The following DNAH12 variants were observed in gnomAD, a reference collection of about 807,000 sequenced individuals.
DNAH12 encodes axonemal beta dynein heavy chain 12.
Under a neutral mutation model 371.5 loss-of-function variants are expected in DNAH12, and 285 were observed. That is an observed-to-expected ratio of 0.77 (90% CI 0.70 to 0.85). The LOEUF (loss-of-function observed/expected upper bound fraction) is 0.85. Ranked by LOEUF, DNAH12 falls within the 40% of genes least tolerant of loss-of-function variation. The pLI is 0.00. For synonymous variants in DNAH12, 1,200 were observed against 1,213.0 expected (o/e 0.99, Z 0.22); for missense variants, 3,611 against 3,689.4 (o/e 0.98, Z 0.55).
chr3:57,306,910 C>T (rs546276267), intron 69 of DNAH12, among the ~76,000 whole-genome samples: 1 of 152,260 alleles, frequency 6.6e-6, no homozygotes, highest in East Asian at 1.9e-4. Flanking sequence ...CCTACACAAC[C>T]CATTATTCTG....
In DNAH12 at chr3:57,347,014, A is replaced by G. The variant is rs2062558835; in HGVS notation, c.9674+5071T>C. 1.3e-5 allele frequency among the ~76,000 whole-genome samples: 2 copies of G among 152,214 alleles called. 1 individual carries two copies. Among genetic ancestry groups the G allele is most frequent in the South Asian group, 4.1e-4 (2 of 4,832 alleles). Reference sequence around the variant, plus strand: ...GAAAGCACCAAGCCCAGATGGGTTCACTGAATAATTCTAAACATATAATTA... The same window carrying G: ...GAAAGCACCAAGCCCAGATGGGTTCGCTGAATAATTCTAAACATATAATTA... On this transcript the variant is annotated intron_variant, in intron 60 of 73. Coordinates refer to ENST00000495027, the MANE Select transcript of DNAH12 (RefSeq NM_001366028.2).
At chr3:57,300,832 A>G (rs991053347) in intron 70 of DNAH12, among the ~76,000 whole-genome samples, 2 of 152,024 alleles carry the variant, frequency 1.3e-5, no homozygotes, top group African/African-American at 2.4e-5. Flanking sequence ...TCCCCACCCC[A>G]TACTCCTTCA....
At chr3:57,356,332 G>A (rs1308860427) in intron 59 of DNAH12, among the ~76,000 whole-genome samples, 1 of 151,854 alleles carries the variant, frequency 6.6e-6, no homozygotes, top group Non-Finnish European at 1.5e-5. Context: ...AGTCCCAGCT[G>A]CTCTGAAGGC....
rs550288565 is a variant in DNAH12, at chr3:57,448,891, T to C, written c.3787-2202A>G. ...GAGCTAAACACAGGGTGCTGATTGG[T>C]GTGTTTACAAACCTTGAGCTAGATA... On this transcript the variant is annotated intron_variant, in intron 25 of 73. Transcript: ENST00000495027. Among the ~76,000 whole-genome samples, 486 of 146,068 alleles carry C rather than the reference T, an allele frequency of 3.3e-3. 2 individuals are homozygous for C. Among genetic ancestry groups the C allele is most frequent in the Non-Finnish European group, 5.3e-3 (354 of 66,448 alleles).
chr3:57,341,593 T>C (rs1553656172), intron 60 of DNAH12, among the ~76,000 whole-genome samples: 1 of 151,980 alleles, frequency 6.6e-6, no homozygotes, highest in African/African-American at 2.4e-5. Context: ...AAACAATGAT[T>C]TTTTGAAAGA....
chr3:57,411,513 T>C (rs12330854), intron 39 of DNAH12, among the ~76,000 whole-genome samples: 70,191 of 124,290 alleles, frequency 0.56, 19,970 homozygotes, highest in African/African-American at 0.73. Flanking sequence ...GGTGACAGAG[T>C]GAGACACTGT....
chr3:57,466,216 C>A (rs912425581), intron 17 of DNAH12, among the ~76,000 whole-genome samples: 3 of 152,044 alleles, frequency 2.0e-5, no homozygotes, highest in African/African-American at 7.2e-5. Context: ...TTGTATGCTA[C>A]ACTTCATGTA....
At chr3:57,323,663 C>T in intron 62 of DNAH12, 44 bp from the exon 63 acceptor site, 2 of 1,462,510 alleles carry the variant, frequency 1.4e-6, no homozygotes, top group South Asian at 2.9e-5. Flanking sequence ...ACTTTTATTT[C>T]ACATAATGGA....
intron 60 of DNAH12, among the ~76,000 whole-genome samples, chr3:57,338,272 G>A (rs1467278967): frequency 2.0e-5 from 3 of 152,180 alleles, no homozygotes; most frequent in Non-Finnish European, 4.4e-5. Flanking sequence ...TCGGCCTCCC[G>A]AGGTGCTGGG....
chr3:57,458,915 C>T (rs547350805), intron 20 of DNAH12, among the ~76,000 whole-genome samples: 2 of 152,250 alleles, frequency 1.3e-5, no homozygotes, highest in East Asian at 3.9e-4. Flanking sequence ...CACAAAGATT[C>T]TGAAGTCAAC....
At chr3:57,449,526 C>T (rs1194676060) in intron 25 of DNAH12, among the ~76,000 whole-genome samples, 7 of 152,348 alleles carry the variant, frequency 4.6e-5, no homozygotes, top group East Asian at 1.9e-4. Context: ...AGAAATCGAG[C>T]GCAGCGCTGG....
chr3:57,467,265 T>G (rs1483948736), intron 17 of DNAH12, among the ~76,000 whole-genome samples: 6 of 152,110 alleles, frequency 3.9e-5, no homozygotes, highest in Non-Finnish European at 8.8e-5. Flanking sequence ...ATTACAGGTA[T>G]GCACCACCAT....
intron 69 of DNAH12, among the ~76,000 whole-genome samples, chr3:57,308,643 G>A (rs768672537): frequency 2.0e-5 from 3 of 152,130 alleles, no homozygotes; most frequent in Non-Finnish European, 2.9e-5. Context: ...TTACACTGCC[G>A]GTTTACACTG....
At chr3:57,391,130 T>A (rs957366778) in intron 45 of DNAH12, among the ~76,000 whole-genome samples, 7 of 152,206 alleles carry the variant, frequency 4.6e-5, no homozygotes. Context: ...TTCCCAGATA[T>A]TTGGTCAAAC....
intron 18 of DNAH12, among the ~76,000 whole-genome samples, chr3:57,462,248 G>A (rs1334999910): frequency 6.6e-6 from 1 of 151,632 alleles, no homozygotes; most frequent in Non-Finnish European, 1.5e-5. Flanking sequence ...AGAGTGTTTT[G>A]TTTTGTTTTG....
At chr3:57,451,708 A>G (rs2065760224) in intron 25 of DNAH12, among the ~76,000 whole-genome samples, 2 of 152,150 alleles carry the variant, frequency 1.3e-5, no homozygotes, top group Admixed American at 1.3e-4. Flanking sequence ...AGAGCCGGAG[A>G]GCGCGCCTCA....
Position 57,433,354 on chromosome 3 carries a change from G to C in DNAH12, c.4980+13C>G, listed in dbSNP as rs891815240. The stretch of plus-strand genomic sequence containing the variant: ...TCATGGCTGAATCTGCTTCTCTTTT[G>C]ATCATGATTTACCTTTTTATTATCA... On this transcript the variant is annotated intron_variant, in intron 32 of 73. Coordinates refer to ENST00000495027, the MANE Select transcript of DNAH12 (RefSeq NM_001366028.2). The C allele has an allele frequency of 5.2e-6, 8 of 1,544,136 alleles. No homozygotes were observed. The highest frequency in any genetic ancestry group is 1.2e-5 in the South Asian group (1 of 82,060).
chr3:57,392,605 C>CAA (rs1470420585), intron 44 of DNAH12, among the ~76,000 whole-genome samples: 4 of 151,636 alleles, frequency 2.6e-5, no homozygotes, highest in African/African-American at 9.7e-5. Flanking sequence ...AAAACAAAAA[C>CAA]AAACAACAAA....
At chr3:57,314,880 A>G (rs9852641) in intron 65 of DNAH12, among the ~76,000 whole-genome samples, 6 of 152,346 alleles carry the variant, frequency 3.9e-5, no homozygotes, top group African/African-American at 1.4e-4. Context: ...CAAAAACGTT[A>G]TCATTTTACC....
Sources: allele counts gnomAD v4.1 joint callset (sites outside exome capture counted in the v4.1 genomes callset), GRCh38; gene constraint gnomAD v4.1.1; transcripts MANE v1.5; gene names NCBI Gene and HGNC (gene_info 2026-07-23, HGNC 2026-07-21).